The following BMPR1A variants were observed in gnomAD, a reference collection of about 807,000 sequenced individuals.
BMPR1A encodes bone morphogenetic protein receptor type-1A.
BMPR1A carries 7 observed loss-of-function variants against 66.0 expected under a neutral mutation model. The observed-to-expected ratio is 0.11, with a 90% CI of 0.06 to 0.20. The LOEUF is 0.20. Ranked by LOEUF, BMPR1A falls within the 10% of genes least tolerant of loss-of-function variation. BMPR1A has a pLI of 1.00. For synonymous variants in BMPR1A, 200 were observed against 229.7 expected (o/e 0.87, Z 1.17); for missense variants, 408 against 669.1 (o/e 0.61, Z 4.31).
intron 1 of BMPR1A, among the ~76,000 whole-genome samples, chr10:86,773,000 A>G (rs1449556295): frequency 6.6e-6 from 1 of 152,164 alleles, no homozygotes; most frequent in Non-Finnish European, 1.5e-5. Context: ...TGTGCAAATA[A>G]GTTGAGTAAA....
intron 1 of BMPR1A, among the ~76,000 whole-genome samples, chr10:86,772,019 A>T (rs1027307260): frequency 5.3e-5 from 8 of 151,974 alleles, no homozygotes; most frequent in African/African-American, 1.9e-4. Flanking sequence ...TTGTTTAAAA[A>T]AATATTTATC....
intron 1 of BMPR1A, among the ~76,000 whole-genome samples, chr10:86,819,078 G>C (rs1295270160): frequency 2.0e-5 from 3 of 152,138 alleles, no homozygotes; most frequent in Non-Finnish European, 2.9e-5. Context: ...GTATTAAACA[G>C]TACTCAGCTC....
chr10:86,897,687 G>T (rs1389472519), intron 5 of BMPR1A, among the ~76,000 whole-genome samples: 1 of 152,072 alleles, frequency 6.6e-6, no homozygotes. Context: ...GCTCACTGCA[G>T]CCTCAACCTC....
intron 2 of BMPR1A, among the ~76,000 whole-genome samples, chr10:86,845,996 C>CAA (rs879412518): frequency 5.4e-5 from 7 of 129,206 alleles, no homozygotes; most frequent in African/African-American, 1.1e-4. Flanking sequence ...GACTCCGTCT[C>CAA]AAAAAAAAAA....
chr10:86,845,275 T>G (rs997022378), intron 2 of BMPR1A, among the ~76,000 whole-genome samples: 3 of 152,208 alleles, frequency 2.0e-5, no homozygotes, highest in Non-Finnish European at 4.4e-5. Context: ...GGTGATCCAG[T>G]TCCCCCTGCG....
At chr10:86,888,642 T>TA (rs1480114330) in intron 3 of BMPR1A, among the ~76,000 whole-genome samples, 1 of 151,790 alleles carries the variant, frequency 6.6e-6, no homozygotes, top group African/African-American at 2.4e-5. Context: ...ACCTGAGCAG[T>TA]ATAGGGAGAC....
chr10:86,776,208 C>G lies in BMPR1A; in HGVS notation c.-268+19289C>G, dbSNP rs564795498. Among the ~76,000 whole-genome samples, 183 of 152,228 alleles carry G rather than the reference C, an allele frequency of 1.2e-3. 2 individuals are homozygous for G. The highest frequency in any genetic ancestry group is 3.4e-3 in the Middle Eastern group (1 of 294). On this transcript the variant is annotated intron_variant, in intron 1 of 12. Coordinates refer to ENST00000372037, the MANE Select transcript of BMPR1A (RefSeq NM_004329.3). ...AGTAATACGTTTGTTCTTTTATTAA[C>G]TTATTAAATAATCCAGGGGTGAGTA...
At chr10:86,849,296 G>A (rs1019218321) in intron 2 of BMPR1A, among the ~76,000 whole-genome samples, 4 of 152,084 alleles carry the variant, frequency 2.6e-5, no homozygotes, top group African/African-American at 9.7e-5. Flanking sequence ...TCTTTACCAT[G>A]CTTTTCTGAC....
chr10:86,899,362 A>T (rs924693274), intron 5 of BMPR1A, among the ~76,000 whole-genome samples: 4 of 152,164 alleles, frequency 2.6e-5, no homozygotes, highest in Admixed American at 6.5e-5. Context: ...CAGGCTCATG[A>T]CTTCCGACGT....
At chr10:86,837,852 C>T (rs909389557) in intron 1 of BMPR1A, among the ~76,000 whole-genome samples, 3 of 152,134 alleles carry the variant, frequency 2.0e-5, no homozygotes, top group Non-Finnish European at 2.9e-5. Context: ...GTCTGCTGAG[C>T]GGAGACTCTT....
intron 1 of BMPR1A, among the ~76,000 whole-genome samples, chr10:86,819,444 G>T: frequency 6.6e-6 from 1 of 152,098 alleles, no homozygotes; most frequent in Non-Finnish European, 1.5e-5. Context: ...CTGAGTACAG[G>T]CACGCGCCAC....
At chr10:86,790,994 T>C (rs1417174663) in intron 1 of BMPR1A, among the ~76,000 whole-genome samples, 2 of 152,232 alleles carry the variant, frequency 1.3e-5, no homozygotes, top group Non-Finnish European at 2.9e-5. Flanking sequence ...CTTTCATGGT[T>C]TTTCAGTTTT....
At chr10:86,779,857 C>T (rs923329695) in intron 1 of BMPR1A, among the ~76,000 whole-genome samples, 1 of 152,184 alleles carries the variant, frequency 6.6e-6, no homozygotes, top group Non-Finnish European at 1.5e-5. Context: ...CAGCATCAGC[C>T]TCCCAAAGTG....
Position 86,869,653 on chromosome 10 carries a change from A to G in BMPR1A, c.-152-6214A>G, listed in dbSNP as rs978267801. Reference sequence around the variant, plus strand: ...ATGCCTGTAATCTCAGCTACTCGGGATGCTGAGGCGGGAGAATCGCTTGAA... The same window carrying G: ...ATGCCTGTAATCTCAGCTACTCGGGGTGCTGAGGCGGGAGAATCGCTTGAA... On this transcript the variant is annotated intron_variant, in intron 2 of 12. Transcript: ENST00000372037. 1.3e-4 allele frequency among the ~76,000 whole-genome samples: 20 copies of G among 152,114 alleles called. No individual in the cohort carries two copies. In the South Asian group the frequency reaches 4.2e-3, roughly 32 times the overall value.
chr10:86,857,738 A>G (rs1392519237), intron 2 of BMPR1A, among the ~76,000 whole-genome samples: 1 of 149,296 alleles, frequency 6.7e-6, no homozygotes, highest in Non-Finnish European at 1.5e-5. Context: ...GGCTTTCTCC[A>G]GATCTAGTGA....
At chr10:86,855,484 C>A (rs779038741) in intron 2 of BMPR1A, 5 of 557,494 alleles carry the variant, frequency 9.0e-6, no homozygotes, top group Non-Finnish European at 1.6e-5. Flanking sequence ...TCAGAATTTT[C>A]TGAAGCTATA....
chr10:86,866,696 T>A (rs1453444281), intron 2 of BMPR1A, among the ~76,000 whole-genome samples: 1 of 152,024 alleles, frequency 6.6e-6, no homozygotes, highest in Non-Finnish European at 1.5e-5. Context: ...CTTCATTTTT[T>A]TTTTTTTCAG....
rs1843728192 is a variant in BMPR1A at position 86,925,579 on chromosome 10, A to G, written c.*1860A>G. 1 of 201,354 alleles carries G rather than the reference A, an allele frequency of 5.0e-6. No homozygotes were observed. Among genetic ancestry groups the G allele is most frequent in the South Asian group, 1.9e-4 (1 of 5,248 alleles). 12.5% of individuals were successfully genotyped at this position (201,354 alleles called of 1,614,324 possible). On this transcript the variant is annotated 3_prime_UTR_variant, in exon 13 of 13. Coordinates refer to ENST00000372037, the MANE Select transcript of BMPR1A (RefSeq NM_004329.3). ...ATACCCAATAACTTGTTTTTTCAGAATTTTTCACCATATGTATACTGAGAA... is the reference window on the plus strand; with the variant it reads ...ATACCCAATAACTTGTTTTTTCAGAGTTTTTCACCATATGTATACTGAGAA...
At chr10:86,831,610 A>C (rs533212787) in intron 1 of BMPR1A, among the ~76,000 whole-genome samples, 1 of 152,312 alleles carries the variant, frequency 6.6e-6, no homozygotes, top group African/African-American at 2.4e-5. Context: ...CAAACAAACA[A>C]AAAATTATCC....
Sources: allele counts gnomAD v4.1 joint callset (sites outside exome capture counted in the v4.1 genomes callset), GRCh38; gene constraint gnomAD v4.1.1; transcripts MANE v1.5; gene names NCBI Gene and HGNC (gene_info 2026-07-23, HGNC 2026-07-21).